Variants in UBE2R2 observed in about 807,000 individuals in gnomAD.
UBE2R2 encodes the protein ubiquitin conjugating enzyme E2 R2.
Under a neutral mutation model 27.8 loss-of-function variants are expected in UBE2R2, and 1 was observed. The ratio of observed to expected loss-of-function variants is 0.04; its 90% confidence interval spans 0.01 to 0.17. The LOEUF (loss-of-function observed/expected upper bound fraction) is 0.17. Ranked by LOEUF, UBE2R2 falls within the 10% of genes least tolerant of loss-of-function variation. The probability of loss-of-function intolerance (pLI) is 1.00; values close to 1 mark genes in which losing one functional copy is unlikely to be tolerated. For synonymous variants in UBE2R2, 106 were observed against 113.3 expected, an observed-to-expected ratio of 0.94 and a Z score of 0.41; for missense variants, 100 against 291.0, an observed-to-expected ratio of 0.34 and a Z score of 4.78.
At chr9:33,848,650 G>A (rs1049683653) in intron 1 of UBE2R2, among the ~76,000 whole-genome samples, 14 of 151,684 alleles carry the variant, frequency 9.2e-5, no homozygotes, top group Admixed American at 6.6e-4. Context: ...AGCCTGGGCT[G>A]GAGTGCAATG....
intron 1 of UBE2R2, among the ~76,000 whole-genome samples, chr9:33,841,930 C>T (rs1820741741): frequency 1.3e-5 from 2 of 152,116 alleles, no homozygotes; most frequent in Non-Finnish European, 2.9e-5. Context: ...CCGACATCAT[C>T]ATATCTGTAT....
At chr9:33,915,122 C>T (rs1033221991) in intron 4 of UBE2R2, among the ~76,000 whole-genome samples, 1 of 144,534 alleles carries the variant, frequency 6.9e-6, no homozygotes, top group Non-Finnish European at 1.5e-5. Flanking sequence ...AGTGGGAGAC[C>T]TTGTCTCAAA....
chr9:33,817,662 C>T lies in UBE2R2; in HGVS notation c.-96C>T, dbSNP rs2130694796. 1.7e-6 allele frequency: 2 copies of T among 1,166,664 alleles called. No homozygotes were observed. The highest frequency in any genetic ancestry group is 2.1e-6 in the Non-Finnish European group (2 of 948,134). The allele number at this position is 1,166,664 out of a possible 1,614,324, so 72.3% of individuals were successfully genotyped here. On this transcript the variant is annotated 5_prime_UTR_variant, in exon 1 of 5. Transcript: ENST00000263228. Reference sequence around the variant, plus strand: ...AAGACCGGGGCCCGGTGCTGCCCGGCCGGAGGGCGAGCGGAGGGGAGGGGC... The same window carrying T: ...AAGACCGGGGCCCGGTGCTGCCCGGTCGGAGGGCGAGCGGAGGGGAGGGGC...
At chr9:33,886,614 C>T (rs1231464064) in intron 1 of UBE2R2, among the ~76,000 whole-genome samples, 2 of 146,658 alleles carry the variant, frequency 1.4e-5, no homozygotes, top group Non-Finnish European at 3.0e-5. Context: ...GAGGTCACGT[C>T]ACTGCACTCC....
At chr9:33,827,568 G>T (rs888547373) in intron 1 of UBE2R2, among the ~76,000 whole-genome samples, 1 of 152,064 alleles carries the variant, frequency 6.6e-6, no homozygotes, top group Non-Finnish European at 1.5e-5. Flanking sequence ...TTGAATGCGG[G>T]AGGTGGAATT....
intron 3 of UBE2R2, among the ~76,000 whole-genome samples, chr9:33,907,836 G>GTT (rs10971780): frequency 1.2e-4 from 18 of 151,230 alleles, no homozygotes; most frequent in Non-Finnish European, 1.8e-4. Context: ...TTTTGTTGTT[G>GTT]TTTTTTTTTA....
chr9:33,847,120 CAG>C (rs1820864419), intron 1 of UBE2R2, among the ~76,000 whole-genome samples: 1 of 149,946 alleles, frequency 6.7e-6, no homozygotes, highest in African/African-American at 2.5e-5. Context: ...TTATTTGAGA[CAG>C]AGTATCACTC....
chr9:33,829,093 A>G (rs1820383281), intron 1 of UBE2R2, among the ~76,000 whole-genome samples: 1 of 151,990 alleles, frequency 6.6e-6, no homozygotes, highest in African/African-American at 2.4e-5. Context: ...CTGGGATTGA[A>G]TTTACCTCAA....
chr9:33,833,638 G>A (rs1208595376), intron 1 of UBE2R2, among the ~76,000 whole-genome samples: 1 of 152,192 alleles, frequency 6.6e-6, no homozygotes, highest in Non-Finnish European at 1.5e-5. Context: ...TATTTTGATT[G>A]TGGTGAATCA....
chr9:33,906,595 T>C (rs1822361138), intron 3 of UBE2R2, among the ~76,000 whole-genome samples: 1 of 152,190 alleles, frequency 6.6e-6, no homozygotes, highest in Non-Finnish European at 1.5e-5. Flanking sequence ...CCAGGTCTTA[T>C]TTGTGATGCT....
chr9:33,822,821 T>TA (rs1368915166), intron 1 of UBE2R2, among the ~76,000 whole-genome samples: 7 of 151,754 alleles, frequency 4.6e-5, no homozygotes, highest in Non-Finnish European at 1.0e-4. Flanking sequence ...CTCTTCCCCC[T>TA]AAAAAAACAA....
intron 1 of UBE2R2, among the ~76,000 whole-genome samples, chr9:33,837,898 A>G (rs1429984917): frequency 1.3e-5 from 2 of 152,130 alleles, no homozygotes; most frequent in Non-Finnish European, 2.9e-5. Flanking sequence ...CGTTTCTCCT[A>G]TTAACTCCCT....
At chr9:33,907,046 A>G (rs1462796641) in intron 3 of UBE2R2, among the ~76,000 whole-genome samples, 2 of 152,210 alleles carry the variant, frequency 1.3e-5, no homozygotes, top group Non-Finnish European at 2.9e-5. Context: ...TCTTTTAAAC[A>G]CATATGAGCT....
Position 33,911,956 on chromosome 9 carries a change from G to C in UBE2R2, c.363-8G>C, listed in dbSNP as rs756756702. The C allele has an allele frequency of 2.5e-6, 4 of 1,601,266 alleles. No individual in the cohort carries two copies. In the Admixed American group the frequency reaches 7.0e-5, roughly 28 times the overall value. Reference sequence around the variant, plus strand: ...TATTCATAGCTGATCCTTTTTTCCTGTTTCTAGGACTATCCTATTAAGTGT... The same window carrying C: ...TATTCATAGCTGATCCTTTTTTCCTCTTTCTAGGACTATCCTATTAAGTGT... On this transcript the variant is annotated splice_region_variant and splice_polypyrimidine_tract_variant and intron_variant, in intron 3 of 4. Coordinates refer to ENST00000263228, the MANE Select transcript of UBE2R2 (RefSeq NM_017811.4).
chr9:33,823,288 T>G (rs1008466021), intron 1 of UBE2R2, among the ~76,000 whole-genome samples: 1 of 152,098 alleles, frequency 6.6e-6, no homozygotes, highest in African/African-American at 2.4e-5. Context: ...TCCTCCCGCC[T>G]CAGCCTCCCA....
intron 1 of UBE2R2, among the ~76,000 whole-genome samples, chr9:33,846,704 T>C (rs1305341086): frequency 6.6e-6 from 1 of 152,230 alleles, no homozygotes; most frequent in Non-Finnish European, 1.5e-5. Flanking sequence ...TGCTAAACTC[T>C]GCCATTGTAG....
At chr9:33,826,268 T>G (rs1392784395) in intron 1 of UBE2R2, among the ~76,000 whole-genome samples, 1 of 152,220 alleles carries the variant, frequency 6.6e-6, no homozygotes, top group African/African-American at 2.4e-5. Context: ...TACCTCAAAA[T>G]TAGTTGACTC....
intron 1 of UBE2R2, among the ~76,000 whole-genome samples, chr9:33,857,899 G>C (rs1317088181): frequency 6.6e-6 from 1 of 152,042 alleles, no homozygotes; most frequent in Non-Finnish European, 1.5e-5. Context: ...AGCTTCTTAA[G>C]ATGGAAGTTG....
chr9:33,897,417 A>T (rs1174801011), intron 2 of UBE2R2, among the ~76,000 whole-genome samples: 1 of 150,950 alleles, frequency 6.6e-6, no homozygotes, highest in Non-Finnish European at 1.5e-5. Context: ...TCCCGGGTTC[A>T]AGTGATTCTC....
Sources: allele counts gnomAD v4.1 joint callset (sites outside exome capture counted in the v4.1 genomes callset), GRCh38; gene constraint gnomAD v4.1.1; transcripts MANE v1.5; gene names NCBI Gene and HGNC (gene_info 2026-07-23, HGNC 2026-07-21).